The following OCA2 variants were observed in gnomAD, a reference collection of about 807,000 sequenced individuals.
OCA2 encodes the protein P protein.
A neutral mutation model predicts 100.2 loss-of-function variants in OCA2; 77 were observed. The observed-to-expected ratio is 0.77, with a 90% CI of 0.64 to 0.93. The LOEUF (loss-of-function observed/expected upper bound fraction) is 0.93. Ranked by LOEUF, OCA2 falls within the 40% of genes least tolerant of loss-of-function variation. The probability of loss-of-function intolerance (pLI) is 0.00; values close to 1 mark genes in which losing one functional copy is unlikely to be tolerated. For synonymous variants in OCA2, 432 were observed against 439.2 expected, an observed-to-expected ratio of 0.98 and a Z score of 0.21; for missense variants, 1,062 against 1,089.1, an observed-to-expected ratio of 0.98 and a Z score of 0.35.
chr15:28,060,267 G>A (rs777102423), intron 2 of OCA2, among the ~76,000 whole-genome samples: 5 of 152,360 alleles, frequency 3.3e-5, no homozygotes, highest in East Asian at 3.9e-4. Context: ...AGGCCTGCAC[G>A]CCCTCTAGCT....
At chr15:27,871,586 G>A (rs2036576615) in intron 20 of OCA2, among the ~76,000 whole-genome samples, 1 of 152,314 alleles carries the variant, frequency 6.6e-6, no homozygotes, top group East Asian at 1.9e-4. Flanking sequence ...TGGGGCGCCT[G>A]CAGCACTCAT....
At chr15:27,784,145 G>T (rs1384709672) in intron 23 of OCA2, among the ~76,000 whole-genome samples, 2 of 152,168 alleles carry the variant, frequency 1.3e-5, no homozygotes, top group African/African-American at 4.8e-5. Context: ...ATCACTTTAG[G>T]GTGAACGGCA....
intron 2 of OCA2, among the ~76,000 whole-genome samples, chr15:28,040,290 AAT>A (rs1343976043): frequency 6.6e-6 from 1 of 152,192 alleles, no homozygotes. Flanking sequence ...CTAGCAAACT[AAT>A]ATAATACCTT....
At chr15:27,729,088 G>C in the OCA2 span, among the ~76,000 whole-genome samples, 1 of 152,060 alleles carries the variant, frequency 6.6e-6, no homozygotes. Flanking sequence ...TAAGCTTTCT[G>C]CTATTGGCCC....
chr15:27,743,635 T>C, the OCA2 span, among the ~76,000 whole-genome samples: 1 of 152,122 alleles, frequency 6.6e-6, no homozygotes, highest in African/African-American at 2.4e-5. Flanking sequence ...GGCCATGAAT[T>C]AGTGAATTCA....
At chr15:27,897,345 T>C (rs559089502) in intron 19 of OCA2, among the ~76,000 whole-genome samples, 29 of 145,256 alleles carry the variant, frequency 2.0e-4, no homozygotes, top group African/African-American at 6.6e-4. Flanking sequence ...CCAGTCATGG[T>C]TATATAGTTT....
rs184269443 is a variant in OCA2 at position 28,025,354 on chromosome 15, C to T, written c.516-452G>A. 9.8e-4 allele frequency among the ~76,000 whole-genome samples: 150 copies of T among 152,292 alleles called. 1 individual carries two copies. In the Middle Eastern group the frequency reaches 0.034, roughly 35 times the overall value. On this transcript the variant is annotated intron_variant, in intron 4 of 23. Coordinates refer to ENST00000354638, the MANE Select transcript of OCA2 (RefSeq NM_000275.3). ...ATAACTTAAGAAAGAAATTGCTATG[C>T]CGTTACTGGTTGTACCAGCAGTCTG...
chr15:27,963,743 A>C (rs372854513), intron 15 of OCA2, among the ~76,000 whole-genome samples: 33 of 151,958 alleles, frequency 2.2e-4, no homozygotes, highest in African/African-American at 8.0e-4. Flanking sequence ...AAGTAAGCAG[A>C]AAAAAAATAA....
chr15:27,828,702 A>T (rs1240058282), intron 23 of OCA2, among the ~76,000 whole-genome samples: 1 of 152,144 alleles, frequency 6.6e-6, no homozygotes, highest in African/African-American at 2.4e-5. Flanking sequence ...GATTGTAGAA[A>T]ACATGGTGAT....
chr15:27,746,348 C>T, the OCA2 span, among the ~76,000 whole-genome samples: 1 of 152,060 alleles, frequency 6.6e-6, no homozygotes, highest in African/African-American at 2.4e-5. Context: ...GTAATCCCAG[C>T]TACTCGGGAG....
chr15:27,979,876 T>G (rs1053603982), intron 14 of OCA2, among the ~76,000 whole-genome samples: 34 of 148,512 alleles, frequency 2.3e-4, no homozygotes, highest in African/African-American at 7.4e-4. Context: ...GTGTTTTTTT[T>G]TTTTTTTTTT....
At chr15:27,977,838 C>A (rs2041019305) in intron 14 of OCA2, among the ~76,000 whole-genome samples, 1 of 152,136 alleles carries the variant, frequency 6.6e-6, no homozygotes, top group Admixed American at 6.5e-5. Flanking sequence ...CGCCTCCCTG[C>A]CACATGAGGA....
chr15:27,927,327 G>A (rs1049365787), intron 18 of OCA2, among the ~76,000 whole-genome samples: 2 of 152,166 alleles, frequency 1.3e-5, no homozygotes, highest in African/African-American at 4.8e-5. Context: ...TGGTGTGTGA[G>A]TCAGTAGTTC....
At chr15:28,003,128 C>G (rs1364603035) in intron 9 of OCA2, among the ~76,000 whole-genome samples, 2 of 152,254 alleles carry the variant, frequency 1.3e-5, no homozygotes, top group Admixed American at 1.3e-4. Flanking sequence ...GTGATCCTGC[C>G]TGGCCTGCAA....
chr15:27,790,929 C>T (rs2033051627), intron 23 of OCA2, among the ~76,000 whole-genome samples: 1 of 151,972 alleles, frequency 6.6e-6, no homozygotes, highest in South Asian at 2.1e-4. Flanking sequence ...GCTGGGACTA[C>T]AGGTGTGTGC....
At chr15:27,865,607 C>T (rs573856786) in intron 21 of OCA2, among the ~76,000 whole-genome samples, 2 of 152,260 alleles carry the variant, frequency 1.3e-5, no homozygotes, top group East Asian at 1.9e-4. Context: ...GCAGGCCTCC[C>T]GAGTGGGTGC....
In OCA2 at chr15:27,845,054, TA is replaced by T. The variant is rs2035482945; in HGVS notation, c.2339-3del. On this transcript the variant is annotated splice_region_variant and splice_polypyrimidine_tract_variant and intron_variant, in intron 22 of 23. Transcript: ENST00000354638. ...ACGCGCCAATCAGTGTCCCGTTACC[TA>T]AAGTCAAAATTTAAAAACAAAATCC... is the stretch of plus-strand genomic sequence containing the variant. The T allele has an allele frequency of 5.0e-6, 8 of 1,612,804 alleles. No homozygotes were observed. The highest frequency in any genetic ancestry group is 6.8e-6 in the Non-Finnish European group (8 of 1,178,890).
intron 23 of OCA2, among the ~76,000 whole-genome samples, chr15:27,810,424 A>C (rs2034029935): frequency 1.3e-5 from 2 of 152,230 alleles, no homozygotes; most frequent in South Asian, 4.1e-4. Flanking sequence ...ACCTTGGGAA[A>C]GCTCTTCTGG....
intron 14 of OCA2, among the ~76,000 whole-genome samples, chr15:27,981,683 G>T (rs2041165942): frequency 6.6e-6 from 1 of 152,158 alleles, no homozygotes; most frequent in African/African-American, 2.4e-5. Context: ...TCAAGCACTT[G>T]TCCCTCTCAT....
Sources: gnomAD v4.1 joint callset for allele counts (sites outside exome capture counted in the v4.1 genomes callset) on GRCh38, gnomAD v4.1.1 for gene constraint, MANE v1.5 for transcripts, NCBI Gene and HGNC (gene_info 2026-07-23, HGNC 2026-07-21) for gene names.